The following TRPM3 variants were observed in gnomAD, a reference collection of about 807,000 sequenced individuals.
TRPM3 encodes the protein transient receptor potential cation channel subfamily M member 3.
Under a neutral mutation model 181.2 loss-of-function variants are expected in TRPM3, and 77 were observed. The observed-to-expected ratio is 0.42, with a 90% CI of 0.35 to 0.51. The LOEUF is 0.51. Among genes scored for constraint, TRPM3 ranks in the 20% least tolerant of loss-of-function variants. The probability of loss-of-function intolerance (pLI) is 0.01; values close to 1 mark genes in which losing one functional copy is unlikely to be tolerated. For synonymous variants in TRPM3, 745 were observed against 796.4 expected (o/e 0.94, Z 1.09); for missense variants, 1,759 against 2,196.7 (o/e 0.80, Z 3.98).
chr9:71,342,339 C>A (rs1469954313), intron 1 of TRPM3, among the ~76,000 whole-genome samples: 1 of 150,072 alleles, frequency 6.7e-6, no homozygotes, highest in African/African-American at 2.4e-5. Flanking sequence ...TGAAAACACA[C>A]TTTTGAAACA....
At chr9:70,796,097 C>T (rs529759134) in intron 6 of TRPM3, among the ~76,000 whole-genome samples, 2 of 152,308 alleles carry the variant, frequency 1.3e-5, no homozygotes, top group East Asian at 1.9e-4. Flanking sequence ...TCAGATGTTG[C>T]CTTCTCAGAT....
At chr9:71,407,898 C>CATTTGCTGTTCTGCAGT (rs998901631) in intron 1 of TRPM3, among the ~76,000 whole-genome samples, 96 of 152,322 alleles carry the variant, frequency 6.3e-4, no homozygotes, top group African/African-American at 2.3e-3. Flanking sequence ...CAGGCAGCAA[C>CATTTGCTGTTCTGCAGT]ATTTGCTGTT....
chr9:71,403,979 A>C (rs1048906511), intron 1 of TRPM3, among the ~76,000 whole-genome samples: 2 of 152,204 alleles, frequency 1.3e-5, no homozygotes, highest in Non-Finnish European at 2.9e-5. Flanking sequence ...AGAATATATT[A>C]AATTGATATA....
intron 1 of TRPM3, among the ~76,000 whole-genome samples, chr9:71,279,710 C>T (rs141114238): frequency 2.0e-5 from 3 of 152,052 alleles, no homozygotes; most frequent in Admixed American, 1.3e-4. Context: ...GAGGACTCAG[C>T]GTAGACAGGG....
intron 1 of TRPM3, among the ~76,000 whole-genome samples, chr9:70,944,998 G>C (rs1248132687): frequency 3.3e-5 from 5 of 152,052 alleles, no homozygotes; most frequent in Non-Finnish European, 7.4e-5. Context: ...ACAGAAGCAA[G>C]TGCTGTCATT....
chr9:70,592,208 C>CA (rs2058237926), intron 21 of TRPM3, among the ~76,000 whole-genome samples: 2 of 152,244 alleles, frequency 1.3e-5, no homozygotes, highest in Middle Eastern at 3.4e-3. Context: ...AGTATGGCCA[C>CA]AAGGTAGGTG....
chr9:71,303,444 A>AAATATGT (rs2086966398), intron 1 of TRPM3, among the ~76,000 whole-genome samples: 1 of 152,228 alleles, frequency 6.6e-6, no homozygotes, highest in Non-Finnish European at 1.5e-5. Flanking sequence ...AATGAAGGAG[A>AAATATGT]AATATGTAAT....
chr9:70,798,359 C>T (rs557525708), intron 6 of TRPM3, among the ~76,000 whole-genome samples: 38 of 152,178 alleles, frequency 2.5e-4, no homozygotes, highest in Admixed American at 1.0e-3. Context: ...CTGGGCCCCT[C>T]GGGGTACTAT....
At chr9:70,742,389 G>A (rs1043195905) in intron 8 of TRPM3, among the ~76,000 whole-genome samples, 1 of 151,914 alleles carries the variant, frequency 6.6e-6, no homozygotes, top group African/African-American at 2.4e-5. Flanking sequence ...ATCAGATCAG[G>A]GTAATTAGCA....
intron 1 of TRPM3, among the ~76,000 whole-genome samples, chr9:70,960,234 C>T (rs1218752412): frequency 2.0e-5 from 3 of 151,642 alleles, no homozygotes; most frequent in Non-Finnish European, 4.4e-5. Flanking sequence ...AAACTGTGGA[C>T]ATTATGATGG....
chr9:71,098,157 G>A (rs1042979650), intron 1 of TRPM3, among the ~76,000 whole-genome samples: 2 of 151,940 alleles, frequency 1.3e-5, no homozygotes, highest in Non-Finnish European at 2.9e-5. Flanking sequence ...CCCTTTATTA[G>A]GACCATGGGT....
At chr9:70,780,903 G>A (rs2082302502) in intron 7 of TRPM3, among the ~76,000 whole-genome samples, 1 of 152,096 alleles carries the variant, frequency 6.6e-6, no homozygotes, top group Non-Finnish European at 1.5e-5. Context: ...CACTAGTTAT[G>A]TGCATAAACT....
At chr9:70,605,281 A>G (rs2060842341) in intron 19 of TRPM3, among the ~76,000 whole-genome samples, 1 of 152,098 alleles carries the variant, frequency 6.6e-6, no homozygotes, top group African/African-American at 2.4e-5. Context: ...TATGACTCCA[A>G]GGTATCTCTG....
chr9:71,446,481 T>G (rs1371161373), intron 1 of TRPM3, among the ~76,000 whole-genome samples: 2 of 152,124 alleles, frequency 1.3e-5, no homozygotes, highest in East Asian at 3.9e-4. Flanking sequence ...AGGGAAGACG[T>G]TCCTTCTCGC....
At chr9:71,062,100 T>A (rs538350399) in intron 1 of TRPM3, among the ~76,000 whole-genome samples, 166 of 152,170 alleles carry the variant, frequency 1.1e-3, no homozygotes, top group African/African-American at 3.7e-3. Flanking sequence ...TCTTCCGTGG[T>A]CCACAGCTGG....
chr9:70,635,839 G>T (rs954903910), intron 11 of TRPM3, among the ~76,000 whole-genome samples: 4 of 152,088 alleles, frequency 2.6e-5, no homozygotes, highest in Non-Finnish European at 5.9e-5. Flanking sequence ...GAGATTCTAG[G>T]TTCAAACTTT....
At chr9:70,682,143 C>A (rs930032517) in intron 8 of TRPM3, among the ~76,000 whole-genome samples, 3 of 152,052 alleles carry the variant, frequency 2.0e-5, no homozygotes, top group African/African-American at 7.2e-5. Flanking sequence ...CCTGAATAGA[C>A]TAAGACAGCC....
At chr9:71,411,636 T>G (rs996025614) in intron 1 of TRPM3, among the ~76,000 whole-genome samples, 2 of 152,128 alleles carry the variant, frequency 1.3e-5, no homozygotes, top group African/African-American at 4.8e-5. Context: ...TGCTCATGGA[T>G]AGGAAGAATC....
At chr9:70,558,430 G>A (rs2048267098) in intron 22 of TRPM3, among the ~76,000 whole-genome samples, 4 of 152,142 alleles carry the variant, frequency 2.6e-5, no homozygotes, top group Admixed American at 2.0e-4. Flanking sequence ...TGCATTTGGA[G>A]TCTTGGAATG....
Sources: gnomAD v4.1 joint callset for allele counts (sites outside exome capture counted in the v4.1 genomes callset) on GRCh38, gnomAD v4.1.1 for gene constraint, MANE v1.5 for transcripts, NCBI Gene and HGNC (gene_info 2026-07-23, HGNC 2026-07-21) for gene names.